SFXN1: variants seen among roughly 807,000 people sequenced by gnomAD.
SFXN1 encodes the protein sideroflexin 1.
In SFXN1, 32 loss-of-function variants were observed where a neutral mutation model predicts 39.5. The ratio of observed to expected loss-of-function variants is 0.81; its 90% CI spans 0.61 to 1.09. The LOEUF is 1.09. Ranked by LOEUF, SFXN1 falls within the 50% of genes least tolerant of loss-of-function variation. The pLI, the probability that SFXN1 is intolerant of heterozygous loss-of-function variation, is 0.00. For missense variants in SFXN1, 402 were observed against 407.1 expected, an observed-to-expected ratio of 0.99 and a Z score of 0.11; for synonymous variants, 136 against 146.5, an observed-to-expected ratio of 0.93 and a Z score of 0.52.
chr5:175,515,973 G>A (rs181675452), intron 7 of SFXN1, among the ~76,000 whole-genome samples: 3 of 152,004 alleles, frequency 2.0e-5, no homozygotes, highest in East Asian at 3.9e-4. Context: ...CATAAGGAGC[G>A]GGCAACCTAG....
intron 2 of SFXN1, among the ~76,000 whole-genome samples, chr5:175,507,973 T>TAAAATAA (rs1477205928): frequency 8.0e-6 from 1 of 124,300 alleles, no homozygotes; most frequent in African/African-American, 3.1e-5. Flanking sequence ...ACCCTGTCTT[T>TAAAATAA]AAAAAAAAAA....
chr5:175,520,789 G>A (rs1760856909), intron 8 of SFXN1, among the ~76,000 whole-genome samples: 1 of 152,178 alleles, frequency 6.6e-6, no homozygotes, highest in Non-Finnish European at 1.5e-5. Flanking sequence ...GCGCTGGGGA[G>A]TATTTAGCAT....
intron 7 of SFXN1, 173 bp downstream of exon 7, chr5:175,513,763 G>C: frequency 1.6e-6 from 1 of 635,186 alleles, no homozygotes; most frequent in Admixed American, 2.8e-5. Context: ...GTGGTGATGA[G>C]GGCAAGGGGG....
chr5:175,523,772 G>GT (rs1000992372), intron 10 of SFXN1: 48 of 152,020 alleles, frequency 3.2e-4, no homozygotes, highest in African/African-American at 1.1e-3. Flanking sequence ...AAAGCGTGTG[G>GT]TTTTACATTT....
intron 1 of SFXN1, among the ~76,000 whole-genome samples, chr5:175,480,957 A>C (rs1759227980): frequency 6.6e-6 from 1 of 152,238 alleles, no homozygotes; most frequent in Non-Finnish European, 1.5e-5. Context: ...GTGAAAAGTC[A>C]TTAAATTAGA....
Position 175,510,130 on chromosome 5 carries a change from C to G in SFXN1, c.357C>G (p.Phe119Leu). 6.2e-7 allele frequency: 1 copy of G among 1,613,094 alleles called. No homozygotes were observed. Among genetic ancestry groups the G allele is most frequent in the Non-Finnish European group, 8.5e-7 (1 of 1,179,612 alleles). The change falls in exon 4 of 11, where the codon TTC becomes TTG. Residue 119 changes from phenylalanine to leucine, a missense_variant. By Grantham distance (22) the Phe-to-Leu change is conservative. Coordinates refer to ENST00000321442, the MANE Select transcript of SFXN1 (RefSeq NM_022754.7). ...TFYRTTPAVLFWQWINQSFNA... is the reference protein window; with the variant it reads ...TFYRTTPAVLLWQWINQSFNA... ...TTAGGACTACGCCGGCTGTGCTGTT[C>G]TGGCAGTGGATTAACCAGTCCTTCA...
intron 1 of SFXN1, among the ~76,000 whole-genome samples, chr5:175,489,374 G>A (rs1245421689): frequency 6.6e-6 from 1 of 152,180 alleles, no homozygotes; most frequent in Non-Finnish European, 1.5e-5. Context: ...AGGAGCCAGT[G>A]TGTGAACCCA....
chr5:175,509,546 A>G (rs1760439353), intron 3 of SFXN1: 2 of 169,268 alleles, frequency 1.2e-5, no homozygotes, highest in Non-Finnish European at 2.5e-5. Flanking sequence ...CCCCTCTGCT[A>G]AATAGCATCT....
chr5:175,522,448 CATCA>C, intron 10 of SFXN1, 26 bp downstream of exon 10: 1 of 1,607,550 alleles, frequency 6.2e-7, no homozygotes, highest in Middle Eastern at 1.7e-4. Context: ...TCGTCAGAAT[CATCA>C]TGAGTATTAA....
chr5:175,511,590 T>G, intron 5 of SFXN1, 64 bp downstream of exon 5: 2 of 1,293,594 alleles, frequency 1.5e-6, no homozygotes, highest in African/African-American at 1.5e-5. Context: ...TGGCTCTAAA[T>G]CCCTCTATTA....
intron 9 of SFXN1, 44 bp downstream of exon 9, chr5:175,522,012 TA>T: frequency 6.7e-7 from 1 of 1,500,444 alleles, no homozygotes. Flanking sequence ...TTTTAAAATA[TA>T]AATACACAGC....
Position 175,508,645 on chromosome 5 carries a change from A to ATT in SFXN1, c.165-377_165-376dup, listed in dbSNP as rs35548133. ...GCACAAGTGTTTTAGGTGAGCATAAATTTTTTTTTTTGAGACAGAGTCTCG... is the reference window on the plus strand; with the variant it reads ...GCACAAGTGTTTTAGGTGAGCATAAATTTTTTTTTTTTTGAGACAGAGTCTCG... On this transcript the variant is annotated intron_variant, in intron 2 of 10. Transcript: ENST00000321442. Among the ~76,000 whole-genome samples, 203 of 149,280 alleles carry ATT rather than the reference A, an allele frequency of 1.4e-3. 2 individuals are homozygous for ATT. The highest frequency in any genetic ancestry group is 4.5e-3 in the African/African-American group (184 of 40,934).
At position 175,528,310 on chromosome 5, in the gene SFXN1, T is replaced by C. The variant is rs1761136468; in HGVS notation, c.*1576T>C. 1 of 152,126 alleles carries C rather than the reference T, an allele frequency of 6.6e-6. No individual in the cohort carries two copies. The highest frequency in any genetic ancestry group is 2.1e-4 in the South Asian group (1 of 4,828). 9.4% of individuals were successfully genotyped at this position (152,126 alleles called of 1,614,324 possible). ...AACAACTATTTACATAGTGCTTACATTGTATTAGGTGTTATAAGCAATCTA... is the reference window on the plus strand; with the variant it reads ...AACAACTATTTACATAGTGCTTACACTGTATTAGGTGTTATAAGCAATCTA... On this transcript the variant is annotated 3_prime_UTR_variant, in exon 11 of 11. Coordinates refer to ENST00000321442, the MANE Select transcript of SFXN1 (RefSeq NM_022754.7).
chr5:175,480,709 A>G (rs747137686), intron 1 of SFXN1, among the ~76,000 whole-genome samples: 1 of 152,248 alleles, frequency 6.6e-6, no homozygotes, highest in African/African-American at 2.4e-5. Flanking sequence ...GAGAAAGCTG[A>G]GAGGACAGCC....
chr5:175,525,156 T>A (rs907634512), intron 10 of SFXN1, among the ~76,000 whole-genome samples: 1 of 152,238 alleles, frequency 6.6e-6, no homozygotes, highest in African/African-American at 2.4e-5. Context: ...ATAACTTTAA[T>A]TCCAAGATCA....
chr5:175,491,833 C>A, intron 1 of SFXN1: 1 of 293,568 alleles, frequency 3.4e-6, no homozygotes, highest in East Asian at 6.3e-5. Context: ...TCTAGGTATC[C>A]AACAAGTAAA....
chr5:175,522,844 T>G (rs1760924369), intron 10 of SFXN1: 1 of 157,716 alleles, frequency 6.3e-6, no homozygotes, highest in African/African-American at 2.4e-5. Flanking sequence ...CCCACTTAGT[T>G]TTTTGCCTTA....
intron 1 of SFXN1, 98 bp from the exon 2 acceptor site, chr5:175,491,997 G>A (rs955692006): frequency 2.5e-5 from 20 of 802,882 alleles, no homozygotes; most frequent in Admixed American, 9.7e-5. Flanking sequence ...GGAAGAGTAT[G>A]TACATATTTA....
Position 175,519,856 on chromosome 5 carries a change from GT to G in SFXN1, c.775-2057del, listed in dbSNP as rs557563223. 1.7e-3 allele frequency among the ~76,000 whole-genome samples: 237 copies of G among 136,534 alleles called. 1 individual carries two copies. Among genetic ancestry groups the G allele is most frequent in the African/African-American group, 6.3e-3 (228 of 36,466 alleles). The allele number at this position is 136,534 out of a possible 152,430, so 89.6% of individuals were successfully genotyped here. ...TTTAGAGTCACTAACTTTTCAGGGG[GT>G]TTTTTGCTTTTTTTTTTTTTTTTTT... On this transcript the variant is annotated intron_variant, in intron 8 of 10. Coordinates refer to ENST00000321442, the MANE Select transcript of SFXN1 (RefSeq NM_022754.7).
Sources: gnomAD v4.1 joint callset for allele counts (sites outside exome capture counted in the v4.1 genomes callset) on GRCh38, gnomAD v4.1.1 for gene constraint, MANE v1.5 for transcripts, NCBI Gene and HGNC (gene_info 2026-07-23, HGNC 2026-07-21) for gene names.